FHIT: variants seen among roughly 807,000 people sequenced by gnomAD.
The protein encoded by FHIT is fragile histidine triad diadenosine triphosphatase.
FHIT carries 19 observed loss-of-function variants against 17.9 expected under a neutral mutation model. The ratio of observed to expected loss-of-function variants is 1.06; its 90% CI spans 0.74 to 1.56. The LOEUF (loss-of-function observed/expected upper bound fraction) is 1.56. FHIT is among the 40% of genes most tolerant of loss of function. The probability of loss-of-function intolerance (pLI) is 0.00; values close to 1 mark genes in which losing one functional copy is unlikely to be tolerated. For synonymous variants in FHIT, 81 were observed against 69.7 expected (o/e 1.16, Z -0.81); for missense variants, 248 against 189.2 (o/e 1.31, Z -1.82).
intron 5 of FHIT, among the ~76,000 whole-genome samples, chr3:60,485,275 C>T (rs935556427): frequency 6.6e-6 from 1 of 152,104 alleles, no homozygotes; most frequent in African/African-American, 2.4e-5. Context: ...AACAGAAATA[C>T]CACTTGACCC....
intron 3 of FHIT, among the ~76,000 whole-genome samples, chr3:61,015,462 T>C (rs2032055336): frequency 6.6e-6 from 1 of 152,216 alleles, no homozygotes; most frequent in African/African-American, 2.4e-5. Context: ...CCTTTTGGAT[T>C]ACGCTTGATC....
At chr3:60,972,109 C>T (rs760175089) in intron 3 of FHIT, among the ~76,000 whole-genome samples, 3 of 152,100 alleles carry the variant, frequency 2.0e-5, no homozygotes, top group Non-Finnish European at 2.9e-5. Flanking sequence ...ACTTACACTC[C>T]ACTAAACATT....
chr3:60,523,603 T>A (rs1017413691), intron 5 of FHIT, among the ~76,000 whole-genome samples: 12 of 152,126 alleles, frequency 7.9e-5, no homozygotes, highest in Non-Finnish European at 1.3e-4. Context: ...AGAAATTGCT[T>A]ACAGAGCTGC....
At chr3:60,806,914 T>C (rs1268152697) in intron 4 of FHIT, among the ~76,000 whole-genome samples, 2 of 152,106 alleles carry the variant, frequency 1.3e-5, no homozygotes, top group Non-Finnish European at 2.9e-5. Context: ...AGATCAAATA[T>C]CATCCTTCAT....
intron 4 of FHIT, among the ~76,000 whole-genome samples, chr3:60,723,806 G>A (rs530270017): frequency 6.6e-6 from 1 of 152,202 alleles, no homozygotes; most frequent in East Asian, 1.9e-4. Flanking sequence ...ACCAATGCAG[G>A]GACTCATTCA....
intron 5 of FHIT, among the ~76,000 whole-genome samples, chr3:60,444,000 A>T (rs1264412088): frequency 6.6e-6 from 1 of 152,208 alleles, no homozygotes; most frequent in Non-Finnish European, 1.5e-5. Context: ...TTACAAGAAA[A>T]AAACAAAGAA....
At chr3:60,544,710 C>T (rs2036305201) in intron 4 of FHIT, among the ~76,000 whole-genome samples, 1 of 150,752 alleles carries the variant, frequency 6.6e-6, no homozygotes, top group South Asian at 2.1e-4. Flanking sequence ...GATTCTCCTG[C>T]CTCAGCCTCC....
intron 3 of FHIT, among the ~76,000 whole-genome samples, chr3:60,866,705 C>T (rs192285326): frequency 5.6e-4 from 85 of 152,302 alleles, no homozygotes; most frequent in African/African-American, 2.0e-3. Flanking sequence ...GAGGGTTTTT[C>T]CAGCTTTGCC....
chr3:60,397,880 T>C (rs990858230), intron 5 of FHIT, among the ~76,000 whole-genome samples: 11 of 152,184 alleles, frequency 7.2e-5, no homozygotes, highest in South Asian at 4.1e-4. Context: ...ACGCCCACCT[T>C]TGAGTAGCGT....
At chr3:60,088,411 C>G (rs1703589963) in intron 5 of FHIT, among the ~76,000 whole-genome samples, 1 of 152,184 alleles carries the variant, frequency 6.6e-6, no homozygotes, top group South Asian at 2.1e-4. Flanking sequence ...TTCTCACTAA[C>G]TAGTTGCACG....
chr3:60,071,266 T>A (rs984464091), intron 5 of FHIT, among the ~76,000 whole-genome samples: 2 of 152,142 alleles, frequency 1.3e-5, no homozygotes, highest in African/African-American at 2.4e-5. Flanking sequence ...GGTGAAAGAA[T>A]CCTATTCATA....
At chr3:59,873,024 G>T (rs1278444686) in intron 8 of FHIT, among the ~76,000 whole-genome samples, 1 of 152,194 alleles carries the variant, frequency 6.6e-6, no homozygotes, top group Non-Finnish European at 1.5e-5. Flanking sequence ...CCTGAACTGA[G>T]TCAAGGGTCA....
chr3:60,123,995 TATATATATATATATAGAGAG>T (rs1471530019), intron 5 of FHIT, among the ~76,000 whole-genome samples: 10 of 36,668 alleles, frequency 2.7e-4, no homozygotes, highest in African/African-American at 8.3e-4. Context: ...TATATATATA[TATATATATATATATAGAGAG>T]AGAGAGAGAG....
intron 4 of FHIT, among the ~76,000 whole-genome samples, chr3:60,583,929 T>G (rs1487400888): frequency 1.3e-5 from 2 of 152,140 alleles, no homozygotes; most frequent in African/African-American, 2.4e-5. Flanking sequence ...ATCAGCACTC[T>G]GGGAAATATT....
intron 4 of FHIT, among the ~76,000 whole-genome samples, chr3:60,701,713 T>A (rs1166089061): frequency 3.3e-5 from 5 of 152,184 alleles, no homozygotes; most frequent in Non-Finnish European, 7.3e-5. Flanking sequence ...AGGTTTAGAA[T>A]CTCGCAGCCT....
At chr3:60,943,586 T>C (rs1575729992) in intron 3 of FHIT, among the ~76,000 whole-genome samples, 1 of 152,264 alleles carries the variant, frequency 6.6e-6, no homozygotes, top group South Asian at 2.1e-4. Flanking sequence ...TGCAGACAGA[T>C]AGGTTTAATC....
chr3:61,212,760 G>C (rs963941417), intron 1 of FHIT, among the ~76,000 whole-genome samples: 4 of 152,206 alleles, frequency 2.6e-5, no homozygotes. Flanking sequence ...CAGAAAGGTC[G>C]GGTTACCCAC....
intron 5 of FHIT, among the ~76,000 whole-genome samples, chr3:60,416,097 A>G (rs541522144): frequency 1.3e-4 from 20 of 151,826 alleles, no homozygotes; most frequent in Middle Eastern, 3.2e-3. Flanking sequence ...TGGAAAAAAC[A>G]TAAAGGCCCA....
At chr3:60,288,487 A>G (rs1467841261) in intron 5 of FHIT, among the ~76,000 whole-genome samples, 1 of 152,116 alleles carries the variant, frequency 6.6e-6, no homozygotes, top group Non-Finnish European at 1.5e-5. Context: ...GACACCATGT[A>G]TTCAAAGTGA....
Sources: allele counts gnomAD v4.1 joint callset (sites outside exome capture counted in the v4.1 genomes callset), GRCh38; gene constraint gnomAD v4.1.1; transcripts MANE v1.5; gene names NCBI Gene and HGNC (gene_info 2026-07-23, HGNC 2026-07-21).